RBMS3: variants seen among roughly 807,000 people sequenced by gnomAD.
RBMS3 encodes the protein RNA-binding motif, single-stranded-interacting protein 3.
Under a neutral mutation model 66.8 loss-of-function variants are expected in RBMS3, and 27 were observed. The observed-to-expected ratio is 0.40, with a 90% CI of 0.30 to 0.56. The LOEUF (loss-of-function observed/expected upper bound fraction) is 0.56. RBMS3 is among the 20% of genes least tolerant of loss of function. The probability of loss-of-function intolerance (pLI) is 0.40; values close to 1 mark genes in which losing one functional copy is unlikely to be tolerated. For synonymous variants in RBMS3, 188 were observed against 183.0 expected, an observed-to-expected ratio of 1.03 and a Z score of -0.22; for missense variants, 513 against 549.5, an observed-to-expected ratio of 0.93 and a Z score of 0.66.
intron 4 of RBMS3, among the ~76,000 whole-genome samples, chr3:29,722,484 A>G (rs976884796): frequency 6.6e-6 from 1 of 152,136 alleles, no homozygotes; most frequent in Non-Finnish European, 1.5e-5. Flanking sequence ...TACAATAGAA[A>G]TGTCTAATCT....
intron 4 of RBMS3, among the ~76,000 whole-genome samples, chr3:29,660,858 G>A (rs1216483550): frequency 6.6e-6 from 1 of 152,192 alleles, no homozygotes; most frequent in Non-Finnish European, 1.5e-5. Flanking sequence ...TAGGGATAAG[G>A]CACTGGAAAT....
intron 7 of RBMS3, among the ~76,000 whole-genome samples, chr3:29,871,083 A>G (rs911881413): frequency 2.6e-5 from 4 of 152,148 alleles, no homozygotes; most frequent in East Asian, 1.9e-4. Context: ...TAAAGTTGTC[A>G]TGATACACAT....
chr3:29,654,684 G>A (rs1355674213), intron 4 of RBMS3, among the ~76,000 whole-genome samples: 1 of 151,026 alleles, frequency 6.6e-6, no homozygotes, highest in African/African-American at 2.4e-5. Context: ...TCCACATCTT[G>A]AGTTCAAGTG....
intron 10 of RBMS3, among the ~76,000 whole-genome samples, chr3:29,917,068 C>T (rs1234064260): frequency 2.0e-5 from 3 of 151,998 alleles, no homozygotes; most frequent in African/African-American, 7.2e-5. Flanking sequence ...TCTATTCATT[C>T]AACATACATT....
intron 1 of RBMS3, among the ~76,000 whole-genome samples, chr3:29,404,453 A>C (rs2039933435): frequency 1.3e-5 from 2 of 152,142 alleles, no homozygotes; most frequent in South Asian, 4.1e-4. Context: ...ACAGCTTACT[A>C]TCTAAATGCT....
chr3:29,669,712 C>T (rs1365576206), intron 4 of RBMS3, among the ~76,000 whole-genome samples: 4 of 152,108 alleles, frequency 2.6e-5, no homozygotes, highest in African/African-American at 7.2e-5. Flanking sequence ...ACATTCTCTT[C>T]CTCATTCCAC....
intron 2 of RBMS3, among the ~76,000 whole-genome samples, chr3:29,471,129 A>G (rs1324815233): frequency 1.3e-5 from 2 of 152,184 alleles, no homozygotes; most frequent in Non-Finnish European, 2.9e-5. Context: ...CACACAAACA[A>G]AAAAATATAT....
chr3:29,593,799 G>T (rs567241178), intron 4 of RBMS3, among the ~76,000 whole-genome samples: 46 of 152,260 alleles, frequency 3.0e-4, no homozygotes, highest in Admixed American at 1.2e-3. Flanking sequence ...TACAGACATA[G>T]CACTGAGCCA....
In RBMS3 at chr3:29,856,313, G is replaced by A. The variant is rs545833723; in HGVS notation, c.638-12545G>A. ...TTGGTGGGGTGGGAAAAGCGGTCAG[G>A]AAATATTTTATGAAAGTGATTAAGC... is the stretch of plus-strand genomic sequence containing the variant. On this transcript the variant is annotated intron_variant, in intron 6 of 14. Coordinates refer to ENST00000383767, the MANE Select transcript of RBMS3 (RefSeq NM_001003793.3). 2.6e-5 allele frequency among the ~76,000 whole-genome samples: 4 copies of A among 152,226 alleles called. No individual in the cohort carries two copies. In the East Asian group the frequency reaches 7.7e-4, roughly 29 times the overall value.
At chr3:29,890,329 C>T (rs531650243) in intron 8 of RBMS3, among the ~76,000 whole-genome samples, 1 of 151,694 alleles carries the variant, frequency 6.6e-6, no homozygotes, top group South Asian at 2.1e-4. Flanking sequence ...TACCAAGGAG[C>T]CTAACATAAG....
intron 3 of RBMS3, among the ~76,000 whole-genome samples, chr3:29,537,829 AAAAAAAAAAAGAAAG>A (rs951796004): frequency 2.1e-4 from 31 of 151,016 alleles, no homozygotes; most frequent in African/African-American, 7.6e-4. Flanking sequence ...CCTCAAAAAA[AAAAAAAAAAAGAAAG>A]AAAGAAAAAA....
intron 1 of RBMS3, among the ~76,000 whole-genome samples, chr3:29,286,138 A>T (rs1335300933): frequency 6.6e-6 from 1 of 152,010 alleles, no homozygotes; most frequent in Non-Finnish European, 1.5e-5. Context: ...AACTCCAAAT[A>T]TTTTCTTTCG....
chr3:29,965,508 TG>T (rs1255912298), intron 12 of RBMS3, among the ~76,000 whole-genome samples: 5 of 152,216 alleles, frequency 3.3e-5, no homozygotes, highest in African/African-American at 1.2e-4. Flanking sequence ...ACATGTTTGT[TG>T]GCCATTTGTA....
chr3:29,281,475 C>CT lies in RBMS3; in HGVS notation c.-196dup, dbSNP rs5847561. The CT allele has an allele frequency of 0.51, 234,631 of 459,600 alleles. 34,271 individuals are homozygous for CT. The highest frequency in any genetic ancestry group is 0.58 in the Admixed American group (14,077 of 24,320). 28.5% of individuals were successfully genotyped at this position (459,600 alleles called of 1,614,324 possible). A position where few individuals can be genotyped will look rare whatever the true frequency, so the allele number is the denominator to read the frequency against. ...TTTTCTACAGATCTCACTCCTCGCCCTTTTTTTTTTTCCTTTGGTGTGTGT... is the reference window on the plus strand; with the variant it reads ...TTTTCTACAGATCTCACTCCTCGCCCTTTTTTTTTTTTCCTTTGGTGTGTGT... On this transcript the variant is annotated 5_prime_UTR_variant, in exon 1 of 15. Transcript: ENST00000383767.
At chr3:29,702,482 G>T (rs555326873) in intron 4 of RBMS3, among the ~76,000 whole-genome samples, 1 of 152,148 alleles carries the variant, frequency 6.6e-6, no homozygotes, top group Non-Finnish European at 1.5e-5. Context: ...GCAACCCGCC[G>T]GGGTCCTCTT....
chr3:29,594,133 C>T (rs931604832), intron 4 of RBMS3, among the ~76,000 whole-genome samples: 1 of 152,102 alleles, frequency 6.6e-6, no homozygotes, highest in Non-Finnish European at 1.5e-5. Flanking sequence ...AGTGAGATAG[C>T]ATCTTTGGGT....
At position 29,835,125 on chromosome 3, in the gene RBMS3, C is replaced by A. The variant is rs74509590; in HGVS notation, c.638-33733C>A. On this transcript the variant is annotated intron_variant, in intron 6 of 14. Coordinates refer to ENST00000383767, the MANE Select transcript of RBMS3 (RefSeq NM_001003793.3). ...TTATATGCACCCACTATTAAAGCAC[C>A]TAAATGTATTAAGCAAATATTAACA... Among the ~76,000 whole-genome samples, 108 of 152,068 alleles carry A rather than the reference C, an allele frequency of 7.1e-4. 1 individual carries two copies. Among genetic ancestry groups the A allele is most frequent in the Middle Eastern group, 6.8e-3 (2 of 294 alleles).
intron 3 of RBMS3, among the ~76,000 whole-genome samples, chr3:29,527,159 C>G (rs1025020122): frequency 2.7e-5 from 3 of 111,128 alleles, no homozygotes; most frequent in Middle Eastern, 8.1e-3. Flanking sequence ...AATAGGGTTT[C>G]AGACGTGATT....
chr3:29,462,066 C>T (rs9827181), intron 2 of RBMS3, among the ~76,000 whole-genome samples: 60,382 of 151,382 alleles, frequency 0.4, 12,358 homozygotes, highest in Admixed American at 0.5. Flanking sequence ...TGAGCCACCG[C>T]GCCCGGCTCT....
Sources: allele counts gnomAD v4.1 joint callset (sites outside exome capture counted in the v4.1 genomes callset), GRCh38; gene constraint gnomAD v4.1.1; transcripts MANE v1.5; gene names NCBI Gene and HGNC (gene_info 2026-07-23, HGNC 2026-07-21).